TCF4: variants seen among roughly 807,000 people sequenced by gnomAD.
TCF4 encodes transcription factor 4, also known as SL3-3 enhancer factor 2.
A neutral mutation model predicts 82.1 loss-of-function variants in TCF4; 3 were observed. The observed-to-expected ratio is 0.04, with a 90% CI of 0.02 to 0.09. The LOEUF is 0.09. Ranked by LOEUF, TCF4 falls within the 10% of genes least tolerant of loss-of-function variation. The pLI, the probability that TCF4 is intolerant of heterozygous loss-of-function variation, is 1.00. For missense variants in TCF4, 518 were observed against 852.7 expected (o/e 0.61, Z 4.89); for synonymous variants, 276 against 309.6 (o/e 0.89, Z 1.14).
At chr18:55,627,810 C>T (rs2097727996) in intron 2 of TCF4, among the ~76,000 whole-genome samples, 1 of 151,940 alleles carries the variant, frequency 6.6e-6, no homozygotes, top group Non-Finnish European at 1.5e-5. Flanking sequence ...CCTGTAATCC[C>T]AGCACTTTGG....
At chr18:55,457,415 T>A (rs1211441336) in intron 5 of TCF4, among the ~76,000 whole-genome samples, 1 of 152,246 alleles carries the variant, frequency 6.6e-6, no homozygotes, top group Non-Finnish European at 1.5e-5. Flanking sequence ...ACTTTAGGGA[T>A]TCACAAACTA....
rs75389844 is a variant in TCF4 at position 55,285,786 on chromosome 18, T to C, written c.550-6130A>G. ...GCCTAGCTCATGTAAGACTTGCTGT[T>C]GCTTTAGGCTGGGAAAGCAGGAACT... On this transcript the variant is annotated intron_variant, in intron 8 of 19. Transcript: ENST00000354452. 2.4e-3 allele frequency among the ~76,000 whole-genome samples: 358 copies of C among 152,328 alleles called. 2 individuals are homozygous for C. Among genetic ancestry groups the C allele is most frequent in the African/African-American group, 8.0e-3 (331 of 41,580 alleles).
At chr18:55,241,126 T>C (rs2051073147) in intron 15 of TCF4, among the ~76,000 whole-genome samples, 1 of 152,252 alleles carries the variant, frequency 6.6e-6, no homozygotes, top group Non-Finnish European at 1.5e-5. Flanking sequence ...CCCCTGGATG[T>C]TCACCAAAAT....
At chr18:55,579,463 A>T (rs2097557144) in intron 3 of TCF4, among the ~76,000 whole-genome samples, 1 of 152,146 alleles carries the variant, frequency 6.6e-6, no homozygotes, top group African/African-American at 2.4e-5. Context: ...ACAAAAAAAA[A>T]AATAATAAAG....
At chr18:55,583,222 G>A (rs190521124) in intron 3 of TCF4, among the ~76,000 whole-genome samples, 1 of 152,178 alleles carries the variant, frequency 6.6e-6, no homozygotes, top group East Asian at 1.9e-4. Context: ...CTGGTACAAC[G>A]TAACTTAAAG....
intron 3 of TCF4, among the ~76,000 whole-genome samples, chr18:55,528,201 G>A (rs28395341): frequency 0.073 from 11,169 of 152,204 alleles, 969 homozygotes; most frequent in African/African-American, 0.21. Context: ...GAAGCTGCAC[G>A]ATATTCTCTG....
chr18:55,492,265 GGATT>G (rs1429491932), intron 3 of TCF4: 1 of 152,150 alleles, frequency 6.6e-6, no homozygotes, highest in African/African-American at 2.4e-5. Context: ...TGTGCTTAAA[GGATT>G]GATTCTAGAA....
chr18:55,246,683 T>A lies in TCF4; in HGVS notation c.1350+7814A>T, dbSNP rs575614113. 2.6e-5 allele frequency among the ~76,000 whole-genome samples: 4 copies of A among 152,238 alleles called. No individual in the cohort carries two copies. The South Asian group carries it at 8.3e-4, about 32-fold the overall frequency. On this transcript the variant is annotated intron_variant, in intron 15 of 19. Transcript: ENST00000354452. ...TATCACTCATCCATGGCTAAAAGAA[T>A]TTCTTCAAGTTCTTTTACCTTTCTG... is the stretch of plus-strand genomic sequence containing the variant.
chr18:55,456,333 T>C (rs1234361403), intron 5 of TCF4, among the ~76,000 whole-genome samples: 2 of 152,156 alleles, frequency 1.3e-5, no homozygotes, highest in African/African-American at 2.4e-5. Flanking sequence ...TGGCGGTAAA[T>C]TATTTAATGC....
At position 55,357,570 on chromosome 18, in the gene TCF4, T is replaced by A. The variant is rs189066474; in HGVS notation, c.370-6567A>T. ...CACTTTTGCTATAAATATAAACAAG[T>A]AGCTATAATAAATGTGCTGAAAAAT... On this transcript the variant is annotated intron_variant, in intron 6 of 19. Transcript: ENST00000354452. Among the ~76,000 whole-genome samples, 3 of 152,308 alleles carry A rather than the reference T, an allele frequency of 2.0e-5. No homozygotes were observed. In the East Asian group the frequency reaches 5.8e-4, roughly 29 times the overall value.
chr18:55,318,771 G>A (rs2074775674), intron 8 of TCF4, among the ~76,000 whole-genome samples: 1 of 151,920 alleles, frequency 6.6e-6, no homozygotes, highest in South Asian at 2.1e-4. Context: ...TTTTTCGTTT[G>A]TCCTAAAATA....
chr18:55,440,542 G>A lies in TCF4; in HGVS notation c.304+20477C>T, dbSNP rs1053737962. 5.9e-5 allele frequency among the ~76,000 whole-genome samples: 9 copies of A among 152,030 alleles called. 1 individual carries two copies. The highest frequency in any genetic ancestry group is 9.7e-5 in the African/African-American group (4 of 41,370). On this transcript the variant is annotated intron_variant, in intron 5 of 19. Coordinates refer to ENST00000354452, the MANE Select transcript of TCF4 (RefSeq NM_001083962.2). The stretch of plus-strand genomic sequence containing the variant: ...TTTATTTTTTAGCAGTGTCTCCATC[G>A]TCCGTCAATACATTACCCTTTCTCT...
At chr18:55,382,682 T>C in intron 6 of TCF4, among the ~76,000 whole-genome samples, 1 of 152,194 alleles carries the variant, frequency 6.6e-6, no homozygotes, top group East Asian at 1.9e-4. Flanking sequence ...TCATTTATCA[T>C]CTAATAATAA....
chr18:55,425,914 T>TA (rs1205954243), intron 5 of TCF4, among the ~76,000 whole-genome samples: 1 of 152,156 alleles, frequency 6.6e-6, no homozygotes. Context: ...CCCTGCTGTT[T>TA]AAACTACCAC....
At chr18:55,303,254 C>CACCCCTACACACACACACACACCCCT (rs1555851944) in intron 8 of TCF4, among the ~76,000 whole-genome samples, 2,299 of 150,096 alleles carry the variant, frequency 0.015, 88 homozygotes, top group South Asian at 0.15. Context: ...CACACACACA[C>CACCCCTACACACACACACACACCCCT]ACACACACAC....
intron 6 of TCF4, among the ~76,000 whole-genome samples, chr18:55,385,557 A>G (rs1372021716): frequency 2.6e-5 from 4 of 151,980 alleles, no homozygotes; most frequent in Non-Finnish European, 1.5e-5. Flanking sequence ...GTGAGCCACC[A>G]CACCCTGCTA....
At chr18:55,552,132 G>A (rs1367463579) in intron 3 of TCF4, among the ~76,000 whole-genome samples, 2 of 152,066 alleles carry the variant, frequency 1.3e-5, no homozygotes, top group Non-Finnish European at 2.9e-5. Context: ...ATTCCATCTA[G>A]GATTGCTTTT....
At chr18:55,244,731 T>C in intron 15 of TCF4, among the ~76,000 whole-genome samples, 1 of 152,154 alleles carries the variant, frequency 6.6e-6, no homozygotes, top group East Asian at 1.9e-4. Context: ...TTTAAACAAA[T>C]ACCAGCTGTT....
At chr18:55,338,708 C>T (rs2079185642) in intron 8 of TCF4, among the ~76,000 whole-genome samples, 1 of 152,134 alleles carries the variant, frequency 6.6e-6, no homozygotes, top group Non-Finnish European at 1.5e-5. Flanking sequence ...CTCCCCCCCA[C>T]AACAAATTCT....
Sources: gnomAD v4.1 joint callset for allele counts (sites outside exome capture counted in the v4.1 genomes callset) on GRCh38, gnomAD v4.1.1 for gene constraint, MANE v1.5 for transcripts, NCBI Gene and HGNC (gene_info 2026-07-23, HGNC 2026-07-21) for gene names.